The following PCSK9 variants were observed in gnomAD, a reference collection of about 807,000 sequenced individuals.
The protein encoded by PCSK9 is convertase subtilisin/kexin type 9 preproprotein.
Under a neutral mutation model 62.1 loss-of-function variants are expected in PCSK9, and 57 were observed. That is an observed-to-expected ratio of 0.92 (90% CI 0.74 to 1.14). PCSK9 has a LOEUF of 1.14. Among genes scored for constraint, PCSK9 ranks in the 50% most tolerant of loss-of-function variants. The pLI, the probability that PCSK9 is intolerant of heterozygous loss-of-function variation, is 0.00. For missense variants in PCSK9, 870 were observed against 959.8 expected, an observed-to-expected ratio of 0.91 and a Z score of 1.24; for synonymous variants, 387 against 409.4, an observed-to-expected ratio of 0.95 and a Z score of 0.66.
chr1:55,046,780 T>G (rs1557500976), intron 3 of PCSK9, 134 bp downstream of exon 3: 1 of 1,009,690 alleles, frequency 9.9e-7, no homozygotes, highest in Non-Finnish European at 1.5e-6. Flanking sequence ...TGACCCCTTT[T>G]TTTCTGTCCC....
At chr1:55,042,917 C>T (rs998559607) in intron 1 of PCSK9, among the ~76,000 whole-genome samples, 9 of 152,162 alleles carry the variant, frequency 5.9e-5, no homozygotes, top group South Asian at 2.1e-4. Context: ...TAAGTTCTCC[C>T]GCTATGATTT....
At position 55,051,400 on chromosome 1, in the gene PCSK9, T is replaced by C. The variant is rs997150373; in HGVS notation, c.524-878T>C. On this transcript the variant is annotated intron_variant, in intron 3 of 11. Transcript: ENST00000302118. Reference sequence around the variant, plus strand: ...AGGACTCTGCTAGCAGCAACCTGCCTGAAGTCTTCCTTTGGCCTGGCTGAG... The same window carrying C: ...AGGACTCTGCTAGCAGCAACCTGCCCGAAGTCTTCCTTTGGCCTGGCTGAG... The C allele has an allele frequency of 3.3e-5, 11 of 335,396 alleles. No individual in the cohort carries two copies. The highest frequency in any genetic ancestry group is 2.6e-4 in the Admixed American group (6 of 22,862). 20.8% of individuals were successfully genotyped at this position (335,396 alleles called of 1,614,324 possible).
In PCSK9 at chr1:55,057,357, C is replaced by T. The variant is rs1401778614; in HGVS notation, c.1023C>T (p.Ala341=). The change falls in exon 7 of 12, where the codon GCC becomes GCT. Residue 341 remains alanine, a synonymous_variant. Coordinates refer to ENST00000302118, the MANE Select transcript of PCSK9 (RefSeq NM_174936.4). ...PEVITVGATN[A]QDQPVTLGTL... ...TCATCACAGTTGGGGCCACCAATGC[C>T]CAAGACCAGCCGGTGACCCTGGGGA... is the stretch of plus-strand genomic sequence containing the variant. The T allele has an allele frequency of 4.3e-6, 7 of 1,613,902 alleles. No individual in the cohort carries two copies. The highest frequency in any genetic ancestry group is 5.9e-6 in the Non-Finnish European group (7 of 1,180,026).
intron 6 of PCSK9, among the ~76,000 whole-genome samples, chr1:55,056,746 TG>T (rs1472634373): frequency 2.0e-5 from 3 of 152,144 alleles, no homozygotes; most frequent in African/African-American, 7.2e-5. Flanking sequence ...CCTGAGGAGC[TG>T]GGGGGCAGTG....
rs1420884311 is a variant in PCSK9 at position 55,052,681 on chromosome 1, TGGCAGGGG to T, written c.690_697del (p.Ala231GlyfsTer29). On this transcript the variant is annotated frameshift_variant, in exon 5 of 12. Transcript: ENST00000302118. LOFTEE classifies it high-confidence loss of function. ...AAGTGTGACAGTCATGGCACCCACC[TGGCAGGGG>T]TGGTCAGCGGCCGGGATGCCGGCGT... The T allele has an allele frequency of 6.2e-7, 1 of 1,613,156 alleles. No homozygotes were observed. The highest frequency in any genetic ancestry group is 8.5e-7 in the Non-Finnish European group (1 of 1,179,872).
In PCSK9 at chr1:55,053,448, C is replaced by T. The variant is rs1557504313; in HGVS notation, c.799+657C>T. Among the ~76,000 whole-genome samples, 5 of 152,308 alleles carry T rather than the reference C, an allele frequency of 3.3e-5. No individual in the cohort carries two copies. The South Asian group carries it at 1.0e-3, about 32-fold the overall frequency. On this transcript the variant is annotated intron_variant, in intron 5 of 11. Coordinates refer to ENST00000302118, the MANE Select transcript of PCSK9 (RefSeq NM_174936.4). ...TGTCCTGGGGCTGGCCTTGCCGTAG[C>T]TGCTAAATAGTTGACGAAACCAGTC... is the stretch of plus-strand genomic sequence containing the variant.
chr1:55,051,971 T>C (rs767853868), intron 3 of PCSK9: 3 of 436,100 alleles, frequency 6.9e-6, no homozygotes, highest in Non-Finnish European at 1.3e-5. Flanking sequence ...TTTTTGAACA[T>C]TCATATTATT....
intron 3 of PCSK9, among the ~76,000 whole-genome samples, chr1:55,050,053 G>A (rs1305677058): frequency 6.6e-6 from 1 of 152,236 alleles, no homozygotes. Context: ...GATGTGCGTT[G>A]TGTGGCTTAC....
chr1:55,054,298 G>A (rs7533186), intron 5 of PCSK9, among the ~76,000 whole-genome samples: 7,356 of 152,280 alleles, frequency 0.048, 212 homozygotes, highest in Middle Eastern at 0.16. Context: ...CAGGAGAATC[G>A]CTTGAACCCA....
chr1:55,053,488 G>T (rs1644691128), intron 5 of PCSK9, among the ~76,000 whole-genome samples: 1 of 152,146 alleles, frequency 6.6e-6, no homozygotes, highest in Non-Finnish European at 1.5e-5. Context: ...GAGGGGAGGT[G>T]ACTGCCAGGG....
intron 5 of PCSK9, among the ~76,000 whole-genome samples, chr1:55,053,272 C>G (rs932532715): frequency 2.6e-5 from 4 of 152,106 alleles, no homozygotes; most frequent in Non-Finnish European, 5.9e-5. Context: ...TTTTTCTAGA[C>G]TGTGACTACA....
rs773067887 is a variant in PCSK9 at position 55,046,647 on chromosome 1, G to GT, written c.523+2dup. 9 of 1,613,750 alleles carry GT rather than the reference G, an allele frequency of 5.6e-6. No homozygotes were observed. In the Admixed American group the frequency reaches 1.3e-4, roughly 24 times the overall value. Reference sequence around the variant, plus strand: ...CGGGCGGATGAATACCAGCCCCCCGGTAAGACCCCCATCTGTGCCCTGCCC... The same window carrying GT: ...CGGGCGGATGAATACCAGCCCCCCGGTTAAGACCCCCATCTGTGCCCTGCCC... On this transcript the variant is annotated splice_donor_variant, in intron 3 of 11. Transcript: ENST00000302118. LOFTEE classifies it high-confidence loss of function.
intron 5 of PCSK9, among the ~76,000 whole-genome samples, chr1:55,054,813 T>G (rs552885773): frequency 2.5e-4 from 38 of 152,104 alleles, no homozygotes; most frequent in Middle Eastern, 3.4e-3. Flanking sequence ...AGACCATCCT[T>G]GCTAACACGG....
At chr1:55,060,087 C>T (rs1460424297) in intron 10 of PCSK9, among the ~76,000 whole-genome samples, 1 of 152,250 alleles carries the variant, frequency 6.6e-6, no homozygotes, top group African/African-American at 2.4e-5. Context: ...TACTTAACAT[C>T]TCTGTATGAG....
intron 10 of PCSK9, among the ~76,000 whole-genome samples, 179 bp downstream of exon 10, chr1:55,059,842 C>T (rs995565886): frequency 1.3e-5 from 2 of 152,198 alleles, no homozygotes; most frequent in African/African-American, 4.8e-5. Context: ...CTTACTTCTC[C>T]TCATCTCAGC....
At chr1:55,062,596 A>T (rs1229640073) in intron 11 of PCSK9, among the ~76,000 whole-genome samples, 1 of 152,102 alleles carries the variant, frequency 6.6e-6, no homozygotes, top group African/African-American at 2.4e-5. Context: ...GGTCTCGCTG[A>T]CAAGGTGGAC....
rs573973101 is a variant in PCSK9 at position 55,049,277 on chromosome 1, G to C, written c.523+2631G>C. 2.0e-5 allele frequency among the ~76,000 whole-genome samples: 3 copies of C among 152,356 alleles called. No homozygotes were observed. In the South Asian group the frequency reaches 6.2e-4, roughly 32 times the overall value. ...AGGAGGGAGTGTGGCCTGTGCAGAA[G>C]GGACCGAGGCTGGTGAGACCAGGAG... is the stretch of plus-strand genomic sequence containing the variant. On this transcript the variant is annotated intron_variant, in intron 3 of 11. Coordinates refer to ENST00000302118, the MANE Select transcript of PCSK9 (RefSeq NM_174936.4).
At chr1:55,057,786 G>T (rs1184375766) in intron 7 of PCSK9, among the ~76,000 whole-genome samples, 1 of 152,226 alleles carries the variant, frequency 6.6e-6, no homozygotes, top group African/African-American at 2.4e-5. Flanking sequence ...ATTTGATCGG[G>T]AGCTTGATGG....
intron 9 of PCSK9, 151 bp downstream of exon 9, chr1:55,058,798 C>T: frequency 6.8e-7 from 1 of 1,463,566 alleles, no homozygotes; most frequent in Non-Finnish European, 9.2e-7. Flanking sequence ...ACAGGGCTGG[C>T]CAGACCAGGA....
Sources: gnomAD v4.1 joint callset for allele counts (sites outside exome capture counted in the v4.1 genomes callset) on GRCh38, gnomAD v4.1.1 for gene constraint, MANE v1.5 for transcripts, NCBI Gene and HGNC (gene_info 2026-07-23, HGNC 2026-07-21) for gene names.